The following CFAP299 variants were observed in gnomAD, a reference collection of about 807,000 sequenced individuals.
CFAP299 encodes cilia and flagella associated protein 299, also known as cilia- and flagella-associated protein 299.
CFAP299 carries 21 observed loss-of-function variants against 27.0 expected under a neutral mutation model. The ratio of observed to expected loss-of-function variants is 0.78; its 90% confidence interval spans 0.55 to 1.12. CFAP299 has a LOEUF of 1.12. Ranked by LOEUF, CFAP299 falls within the 50% of genes most tolerant of loss-of-function variation. The pLI is 0.00. For synonymous variants in CFAP299, 104 were observed against 98.1 expected, an observed-to-expected ratio of 1.06 and a Z score of -0.36; for missense variants, 310 against 276.6, an observed-to-expected ratio of 1.12 and a Z score of -0.86.
intron 2 of CFAP299, among the ~76,000 whole-genome samples, chr4:80,550,071 T>C (rs1734423767): frequency 1.3e-5 from 2 of 151,942 alleles, no homozygotes; most frequent in African/African-American, 4.8e-5. Context: ...ATCTTTGTAC[T>C]TCTAATATTT....
intron 3 of CFAP299, among the ~76,000 whole-genome samples, chr4:80,770,207 C>G (rs918713673): frequency 2.0e-5 from 3 of 152,040 alleles, no homozygotes; most frequent in African/African-American, 7.3e-5. Flanking sequence ...GATTTTTGCT[C>G]GATTAGACAA....
intron 3 of CFAP299, among the ~76,000 whole-genome samples, chr4:80,863,068 T>C (rs1231510716): frequency 6.6e-6 from 1 of 152,152 alleles, no homozygotes; most frequent in Non-Finnish European, 1.5e-5. Context: ...AACGATTCCT[T>C]CATTTGTCTC....
chr4:80,554,628 T>C (rs1167825806), intron 2 of CFAP299, among the ~76,000 whole-genome samples: 5 of 151,320 alleles, frequency 3.3e-5, no homozygotes, highest in Admixed American at 2.0e-4. Flanking sequence ...TTTCTATCCA[T>C]AAGCATGAGA....
At chr4:80,365,177 G>T (rs752053139) in intron 2 of CFAP299, among the ~76,000 whole-genome samples, 3 of 151,906 alleles carry the variant, frequency 2.0e-5, no homozygotes, top group Non-Finnish European at 4.4e-5. Context: ...TGAAGAATTG[G>T]CAAACAATGG....
chr4:80,521,783 C>T (rs566581178), intron 2 of CFAP299, among the ~76,000 whole-genome samples: 1 of 150,262 alleles, frequency 6.7e-6, no homozygotes, highest in South Asian at 2.1e-4. Flanking sequence ...TAGCACATGA[C>T]AGGATTCCCT....
chr4:80,453,227 A>G (rs1728982428), intron 2 of CFAP299, among the ~76,000 whole-genome samples: 1 of 152,222 alleles, frequency 6.6e-6, no homozygotes, highest in South Asian at 2.1e-4. Context: ...TTAGAATCAT[A>G]AAACATATTG....
Position 80,619,590 on chromosome 4 carries a change from T to C in CFAP299, c.333+36407T>C, listed in dbSNP as rs189520041. ...ATCTAGAATATAGTTAAATATTCTTTAGATATTCAATACTGTTGAAGGGCT... is the reference window on the plus strand; with the variant it reads ...ATCTAGAATATAGTTAAATATTCTTCAGATATTCAATACTGTTGAAGGGCT... On this transcript the variant is annotated intron_variant, in intron 3 of 5. Coordinates refer to ENST00000358105, the MANE Select transcript of CFAP299 (RefSeq NM_152770.3). 5.1e-3 allele frequency among the ~76,000 whole-genome samples: 770 copies of C among 152,252 alleles called. 5 individuals carry two copies. The highest frequency in any genetic ancestry group is 0.02 in the Middle Eastern group (6 of 294).
chr4:80,957,989 A>C (rs1738151013), intron 5 of CFAP299, among the ~76,000 whole-genome samples: 1 of 152,154 alleles, frequency 6.6e-6, no homozygotes, highest in African/African-American at 2.4e-5. Flanking sequence ...AACAAATACT[A>C]AATTAAATTC....
chr4:80,441,568 A>G (rs1204382720), intron 2 of CFAP299, among the ~76,000 whole-genome samples: 1 of 152,360 alleles, frequency 6.6e-6, no homozygotes, highest in African/African-American at 2.4e-5. Context: ...CTAAATATGG[A>G]AAGGAAAAAC....
At chr4:80,761,571 A>G (rs2110078012) in intron 3 of CFAP299, among the ~76,000 whole-genome samples, 1 of 152,210 alleles carries the variant, frequency 6.6e-6, no homozygotes, top group East Asian at 1.9e-4. Flanking sequence ...ACAAGCTATA[A>G]AAACTAGAAT....
chr4:80,764,268 C>T (rs1725717238), intron 3 of CFAP299, among the ~76,000 whole-genome samples: 1 of 151,992 alleles, frequency 6.6e-6, no homozygotes, highest in Non-Finnish European at 1.5e-5. Flanking sequence ...AAAAACAACT[C>T]CATCAAAAAG....
At chr4:80,455,984 A>C (rs768240542) in intron 2 of CFAP299, among the ~76,000 whole-genome samples, 1 of 152,212 alleles carries the variant, frequency 6.6e-6, no homozygotes, top group African/African-American at 2.4e-5. Flanking sequence ...AGATGGTCAT[A>C]AATTCTTTGA....
At chr4:80,537,531 C>T (rs1003534881) in intron 2 of CFAP299, among the ~76,000 whole-genome samples, 9 of 152,046 alleles carry the variant, frequency 5.9e-5, no homozygotes, top group African/African-American at 2.2e-4. Context: ...CTATCATTTG[C>T]AACAACACGG....
In CFAP299 at chr4:80,767,732, C is replaced by A. The variant is rs184593884; in HGVS notation, c.334-102261C>A. Among the ~76,000 whole-genome samples the A allele has an allele frequency of 9.8e-5, 15 of 152,336 alleles. No homozygotes were observed. The East Asian group carries it at 2.9e-3, about 29-fold the overall frequency. ...CACAGATAGTGGGAGACTATTGTGG[C>A]TGATTTAGCAGTGTTTTCAGTATTC... is the stretch of plus-strand genomic sequence containing the variant. On this transcript the variant is annotated intron_variant, in intron 3 of 5. Coordinates refer to ENST00000358105, the MANE Select transcript of CFAP299 (RefSeq NM_152770.3).
At chr4:80,924,536 G>A (rs867727153) in intron 4 of CFAP299, among the ~76,000 whole-genome samples, 29 of 130,996 alleles carry the variant, frequency 2.2e-4, no homozygotes, top group Middle Eastern at 3.9e-3. Context: ...GTGTGTGTGT[G>A]TGTATATATA....
intron 2 of CFAP299, among the ~76,000 whole-genome samples, chr4:80,363,473 C>T (rs1014171863): frequency 1.8e-4 from 27 of 152,214 alleles, no homozygotes; most frequent in African/African-American, 4.8e-4. Flanking sequence ...AATTAATAAC[C>T]TATTTCATTT....
At chr4:80,634,295 A>G (rs562770895) in intron 3 of CFAP299, among the ~76,000 whole-genome samples, 14 of 152,104 alleles carry the variant, frequency 9.2e-5, no homozygotes, top group Admixed American at 3.9e-4. Context: ...AAAACTCTTG[A>G]GGTAGCACAG....
At chr4:80,792,407 G>C (rs891180900) in intron 3 of CFAP299, among the ~76,000 whole-genome samples, 2 of 152,054 alleles carry the variant, frequency 1.3e-5, no homozygotes, top group Non-Finnish European at 2.9e-5. Context: ...GACTAGACAT[G>C]AGTACAAAAA....
intron 2 of CFAP299, among the ~76,000 whole-genome samples, chr4:80,414,360 G>A (rs922136238): frequency 6.6e-6 from 1 of 152,018 alleles, no homozygotes; most frequent in Non-Finnish European, 1.5e-5. Flanking sequence ...GTGAGCCACC[G>A]CGACAAATGG....
Sources: allele counts gnomAD v4.1 joint callset (sites outside exome capture counted in the v4.1 genomes callset), GRCh38; gene constraint gnomAD v4.1.1; transcripts MANE v1.5; gene names NCBI Gene and HGNC (gene_info 2026-07-23, HGNC 2026-07-21).